Variants in SLC23A2 observed in about 807,000 individuals in gnomAD.
SLC23A2 encodes the protein Na(+)/L-ascorbic acid transporter 2.
SLC23A2 carries 36 observed loss-of-function variants against 73.3 expected under a neutral mutation model. That is an observed-to-expected ratio of 0.49 (90% confidence interval 0.38 to 0.65). SLC23A2 has a LOEUF of 0.65. Among genes scored for constraint, SLC23A2 ranks in the 30% least tolerant of loss-of-function variants. The probability of loss-of-function intolerance (pLI) is 0.00; values close to 1 mark genes in which losing one functional copy is unlikely to be tolerated. For missense variants in SLC23A2, 507 were observed against 841.6 expected, an observed-to-expected ratio of 0.60 and a Z score of 4.92; for synonymous variants, 343 against 327.3, an observed-to-expected ratio of 1.05 and a Z score of -0.52.
intron 1 of SLC23A2, among the ~76,000 whole-genome samples, chr20:4,996,053 G>A (rs970846267): frequency 7.2e-5 from 11 of 152,106 alleles, no homozygotes; most frequent in African/African-American, 2.7e-4. Context: ...ATAAATGAAG[G>A]ACCAGAAGCC....
chr20:4,935,918 T>C (rs1410396934), intron 2 of SLC23A2, among the ~76,000 whole-genome samples: 1 of 152,236 alleles, frequency 6.6e-6, no homozygotes, highest in African/African-American at 2.4e-5. Context: ...GTTTTTCATG[T>C]CTGCTGGCAA....
At chr20:4,941,651 AAGATCCC>A (rs952637814) in intron 2 of SLC23A2, among the ~76,000 whole-genome samples, 2 of 151,888 alleles carry the variant, frequency 1.3e-5, no homozygotes, top group African/African-American at 2.4e-5. Context: ...GCAGTAAGCC[AAGATCCC>A]ACCACGGCAC....
chr20:4,867,894 G>A lies in SLC23A2; in HGVS notation c.1251-19C>T, dbSNP rs1930268762. ...AATTCCCCTAAGATGTAAAGGAATG[G>A]AGGAAAGAAAATCATTCAATGGGAT... On this transcript the variant is annotated intron_variant, in intron 12 of 16. Transcript: ENST00000338244. The A allele has an allele frequency of 2.1e-6, 3 of 1,397,718 alleles. No individual in the cohort carries two copies. The highest frequency in any genetic ancestry group is 3.0e-6 in the Non-Finnish European group (3 of 984,336). The allele number at this position is 1,397,718 out of a possible 1,614,324, so 86.6% of individuals were successfully genotyped here.
chr20:4,980,143 T>C (rs1158617528), intron 1 of SLC23A2, among the ~76,000 whole-genome samples: 2 of 152,222 alleles, frequency 1.3e-5, no homozygotes, highest in Admixed American at 1.3e-4. Flanking sequence ...TGGCAATACT[T>C]CCCAGTGTGT....
intron 3 of SLC23A2, among the ~76,000 whole-genome samples, chr20:4,921,699 T>C (rs1322486140): frequency 6.6e-6 from 1 of 152,162 alleles, no homozygotes; most frequent in Non-Finnish European, 1.5e-5. Flanking sequence ...GCTAGTGAGA[T>C]TTTAAATTAT....
intron 6 of SLC23A2, among the ~76,000 whole-genome samples, chr20:4,896,223 G>T (rs558467296): frequency 6.6e-6 from 1 of 152,130 alleles, no homozygotes; most frequent in East Asian, 1.9e-4. Context: ...GTGCCCCTTC[G>T]CTGCCTCAGA....
At position 4,902,554 on chromosome 20, in the gene SLC23A2, G is replaced by C. The variant is rs756327233; in HGVS notation, c.212C>G (p.Ser71Cys). ...TTENGIAEKS[S>C]LAETLDSTGS... is the part of the protein sequence containing the mutation. Reference sequence around the variant, plus strand: ...AGTGCTATCCAGGGTCTCAGCGAGAGAGCTCTGCGAGCCAGAAGGAGAAAA... The same window carrying C: ...AGTGCTATCCAGGGTCTCAGCGAGACAGCTCTGCGAGCCAGAAGGAGAAAA... Residue 71 changes from serine to cysteine, a missense_variant, in exon 5 of 17, where the codon TCT becomes TGT. By Grantham distance (112) the Ser-to-Cys change is moderately radical. Coordinates refer to ENST00000338244, the MANE Select transcript of SLC23A2 (RefSeq NM_005116.6). The surrounding 1 kb of genome is among the most constrained non-coding windows in gnomAD (Gnocchi z 4.0). The C allele has an allele frequency of 2.5e-6, 4 of 1,584,120 alleles. No homozygotes were observed. Among genetic ancestry groups the C allele is most frequent in the Admixed American group, 1.7e-5 (1 of 58,118 alleles).
intron 16 of SLC23A2, 88 bp downstream of exon 16, chr20:4,859,201 C>T: frequency 1.3e-6 from 1 of 798,492 alleles, no homozygotes; most frequent in Non-Finnish European, 2.2e-6. Flanking sequence ...ATTTACTCTT[C>T]CCGTTTTCCA....
At chr20:4,867,745 C>G in intron 13 of SLC23A2, 25 bp downstream of exon 13, 1 of 1,325,096 alleles carries the variant, frequency 7.5e-7, no homozygotes, top group South Asian at 1.2e-5. Context: ...GAAACCCAAT[C>G]ATTTAATTAG....
At chr20:4,907,546 TAA>T in intron 4 of SLC23A2, among the ~76,000 whole-genome samples, 1 of 152,194 alleles carries the variant, frequency 6.6e-6, no homozygotes, top group Non-Finnish European at 1.5e-5. Context: ...GAATGCTTTT[TAA>T]AGACTTTAAC....
intron 1 of SLC23A2, among the ~76,000 whole-genome samples, chr20:4,973,387 A>G (rs1307532675): frequency 1.3e-5 from 2 of 152,342 alleles, no homozygotes; most frequent in South Asian, 2.1e-4. Flanking sequence ...TGAATGGGGA[A>G]GCGAAAGTAC....
At chr20:4,956,542 T>C (rs2087290839) in intron 2 of SLC23A2, among the ~76,000 whole-genome samples, 1 of 152,188 alleles carries the variant, frequency 6.6e-6, no homozygotes. Context: ...TTGCTTCCAA[T>C]TACTGACTGT....
rs967738203 is a variant in SLC23A2, at chr20:4,863,384, G to A, written c.1357-477C>T. Among the ~76,000 whole-genome samples the A allele has an allele frequency of 6.6e-6, 1 of 152,220 alleles. No homozygotes were observed. The highest frequency in any genetic ancestry group is 2.4e-5 in the African/African-American group (1 of 41,458). ...GAAGGGGCTACGGATGAGGACATCT[G>A]GAGCCTGACTGCGGGCTCTTCTCCT... On this transcript the variant is annotated intron_variant, in intron 13 of 16. Transcript: ENST00000338244. This position sits in a 1 kb window ranked among gnomAD's most constrained non-coding sequence, Gnocchi z 4.8.
At chr20:4,860,407 T>A (rs1360955078) in intron 15 of SLC23A2, among the ~76,000 whole-genome samples, 1 of 152,218 alleles carries the variant, frequency 6.6e-6, no homozygotes, top group Non-Finnish European at 1.5e-5. Context: ...TCATACCGTG[T>A]GCTTTCCGTT....
chr20:4,981,647 G>A (rs189151089), intron 1 of SLC23A2, among the ~76,000 whole-genome samples: 12 of 152,188 alleles, frequency 7.9e-5, no homozygotes, highest in Non-Finnish European at 1.3e-4. Context: ...TCAAATCAGT[G>A]GTTGGGGTTG....
chr20:5,005,279 A>G (rs1053139603), upstream of SLC23A2, among the ~76,000 whole-genome samples: 6 of 152,088 alleles, frequency 3.9e-5, no homozygotes, highest in Non-Finnish European at 5.9e-5. Context: ...TTATTTTTAC[A>G]TAATTATTTT....
intron 1 of SLC23A2, among the ~76,000 whole-genome samples, chr20:4,988,547 C>A (rs1455774322): frequency 6.6e-6 from 1 of 151,622 alleles, no homozygotes; most frequent in Non-Finnish European, 1.5e-5. Flanking sequence ...ACCAGCCTGG[C>A]CAACATAGTG....
At chr20:4,965,825 A>G (rs2748902) in intron 2 of SLC23A2, among the ~76,000 whole-genome samples, 81,964 of 151,848 alleles carry the variant, frequency 0.54, 22,320 homozygotes, top group Admixed American at 0.58. Context: ...AAATTAGCTG[A>G]GCGTGGTGGC....
rs1036091250 is a variant in SLC23A2, at chr20:4,985,757, T to C, written c.-281-14838A>G. Reference sequence around the variant, plus strand: ...GCCACTGTGCCTGGCCAAAACCACATATTGTATGATACCATTTATATGTCC... The same window carrying C: ...GCCACTGTGCCTGGCCAAAACCACACATTGTATGATACCATTTATATGTCC... On this transcript the variant is annotated intron_variant, in intron 1 of 16. Transcript: ENST00000338244. 3.9e-4 allele frequency among the ~76,000 whole-genome samples: 60 copies of C among 152,292 alleles called. 2 individuals are homozygous for C. The highest frequency in any genetic ancestry group is 3.4e-3 in the Middle Eastern group (1 of 294).
Sources: gnomAD v4.1 joint callset for allele counts (sites outside exome capture counted in the v4.1 genomes callset) on GRCh38, gnomAD v4.1.1 for gene constraint, Gnocchi (gnomAD v3.1) non-coding constraint, MANE v1.5 for transcripts, NCBI Gene and HGNC (gene_info 2026-07-23, HGNC 2026-07-21) for gene names.